Variants in CLSTN2 observed in about 807,000 individuals in gnomAD.
The protein encoded by CLSTN2 is calsyntenin 2, also known as calsyntenin-2.
Under a neutral mutation model 101.2 loss-of-function variants are expected in CLSTN2, and 48 were observed. The observed-to-expected ratio is 0.47, with a 90% CI of 0.38 to 0.60. The LOEUF (loss-of-function observed/expected upper bound fraction) is 0.60, where lower values mean the gene tolerates loss of function less well. CLSTN2 is among the 20% of genes least tolerant of loss of function. The pLI, the probability that CLSTN2 is intolerant of heterozygous loss-of-function variation, is 0.00. For synonymous variants in CLSTN2, 481 were observed against 463.6 expected (o/e 1.04, Z -0.48); for missense variants, 1,160 against 1,238.2 (o/e 0.94, Z 0.95).
At chr3:140,456,867 C>T (rs1034999643) in intron 6 of CLSTN2, among the ~76,000 whole-genome samples, 1 of 151,958 alleles carries the variant, frequency 6.6e-6, no homozygotes, top group South Asian at 2.1e-4. Flanking sequence ...TAACCCTGAC[C>T]AGCACTGGGT....
rs561707932 is a variant in CLSTN2 at position 139,955,702 on chromosome 3, T to C, written c.109+20219T>C. On this transcript the variant is annotated intron_variant, in intron 1 of 16. Transcript: ENST00000458420. ...GCCCTTCTCATCTCAGATGTGCCTC[T>C]CACTAGCTGATGGCTTGCATTTTCT... Among the ~76,000 whole-genome samples, 6 of 152,400 alleles carry C rather than the reference T, an allele frequency of 3.9e-5. No homozygotes were observed. In the South Asian group the frequency reaches 1.2e-3, roughly 32 times the overall value.
At chr3:140,376,700 A>G (rs1256264207) in intron 2 of CLSTN2, among the ~76,000 whole-genome samples, 2 of 152,184 alleles carry the variant, frequency 1.3e-5, no homozygotes, top group Non-Finnish European at 2.9e-5. Context: ...GTGCAATCAC[A>G]TTTGGCAAGA....
At chr3:140,382,388 A>G (rs902876003) in intron 2 of CLSTN2, among the ~76,000 whole-genome samples, 1 of 152,212 alleles carries the variant, frequency 6.6e-6, no homozygotes, top group African/African-American at 2.4e-5. Context: ...CTATTCCCCA[A>G]CAATGTGAGG....
intron 1 of CLSTN2, among the ~76,000 whole-genome samples, chr3:140,074,952 C>T (rs985512553): frequency 6.6e-6 from 1 of 152,166 alleles, no homozygotes; most frequent in Non-Finnish European, 1.5e-5. Context: ...TGGTATTTTT[C>T]ATGGACACAG....
chr3:140,023,921 C>G (rs1339103994), intron 1 of CLSTN2, among the ~76,000 whole-genome samples: 1 of 152,226 alleles, frequency 6.6e-6, no homozygotes, highest in African/African-American at 2.4e-5. Context: ...CTGCAGGCCT[C>G]ACTGCCTCCC....
chr3:140,163,352 C>A (rs2010081360), intron 1 of CLSTN2, among the ~76,000 whole-genome samples: 1 of 151,650 alleles, frequency 6.6e-6, no homozygotes, highest in Non-Finnish European at 1.5e-5. Context: ...CAGGCCTGAC[C>A]TACAGTTCTC....
intron 4 of CLSTN2, among the ~76,000 whole-genome samples, chr3:140,416,288 T>C (rs961381089): frequency 1.3e-5 from 2 of 152,140 alleles, no homozygotes; most frequent in South Asian, 2.1e-4. Context: ...CTGGAGAATG[T>C]ACAGCAGGGT....
At chr3:140,504,427 G>A (rs1278989855) in intron 8 of CLSTN2, among the ~76,000 whole-genome samples, 1 of 151,890 alleles carries the variant, frequency 6.6e-6, no homozygotes, top group Non-Finnish European at 1.5e-5. Context: ...AGTGAGTAAT[G>A]GTATCAAATG....
intron 2 of CLSTN2, among the ~76,000 whole-genome samples, chr3:140,183,583 CTG>C (rs1328372853): frequency 1.3e-5 from 2 of 152,192 alleles, no homozygotes; most frequent in Admixed American, 6.5e-5. Context: ...TATATACTAA[CTG>C]TGCAAATTAG....
chr3:140,173,226 C>T (rs938053118), intron 1 of CLSTN2, among the ~76,000 whole-genome samples: 3 of 152,212 alleles, frequency 2.0e-5, no homozygotes, highest in East Asian at 3.9e-4. Flanking sequence ...AACAAAAGGG[C>T]TACAGGGCCC....
At chr3:140,451,084 C>T (rs866068968) in intron 6 of CLSTN2, among the ~76,000 whole-genome samples, 3 of 152,144 alleles carry the variant, frequency 2.0e-5, no homozygotes, top group African/African-American at 4.8e-5. Context: ...TACTTTGCTC[C>T]CCATGCACCT....
At chr3:140,392,771 G>A (rs2088131031) in intron 2 of CLSTN2, among the ~76,000 whole-genome samples, 1 of 151,888 alleles carries the variant, frequency 6.6e-6, no homozygotes, top group African/African-American at 2.4e-5. Flanking sequence ...AAAAGTAGAT[G>A]GTGTCTTAGT....
In CLSTN2 at chr3:140,522,271, C is replaced by A. The variant is rs1935046664; in HGVS notation, c.1345-10053C>A. Among the ~76,000 whole-genome samples, 5 of 152,216 alleles carry A rather than the reference C, an allele frequency of 3.3e-5. No homozygotes were observed. The South Asian group carries it at 1.0e-3, about 31-fold the overall frequency. On this transcript the variant is annotated intron_variant, in intron 8 of 16. Transcript: ENST00000458420. ...TTCAGTTGAAGGTGCTGAATTCAGG[C>A]ATCACTTTCATTCCTCTCTGTGAGT...
chr3:140,132,581 C>A (rs748940780), intron 1 of CLSTN2, among the ~76,000 whole-genome samples: 1 of 151,984 alleles, frequency 6.6e-6, no homozygotes, highest in African/African-American at 2.4e-5. Context: ...CAGTTTTCTG[C>A]CTGAAAGTTG....
In CLSTN2 at chr3:140,561,931, T is replaced by G. The variant is rs1935923362; in HGVS notation, c.2042-207T>G. ...GCTACAGTATTCCTGCTGTTCCCAC[T>G]AATTCATGCTACTAATTCATCCCAC... On this transcript the variant is annotated intron_variant, in intron 12 of 16. Coordinates refer to ENST00000458420, the MANE Select transcript of CLSTN2 (RefSeq NM_022131.3). 2.6e-5 allele frequency among the ~76,000 whole-genome samples: 4 copies of G among 152,124 alleles called. No homozygotes were observed. The South Asian group carries it at 8.4e-4, about 32-fold the overall frequency.
At chr3:140,285,202 G>A (rs2086884435) in intron 2 of CLSTN2, among the ~76,000 whole-genome samples, 1 of 152,116 alleles carries the variant, frequency 6.6e-6, no homozygotes, top group South Asian at 2.1e-4. Flanking sequence ...AGCTACATGT[G>A]ACTAGTAGGT....
intron 1 of CLSTN2, among the ~76,000 whole-genome samples, chr3:139,940,062 G>A (rs1182368572): frequency 6.6e-6 from 1 of 152,100 alleles, no homozygotes; most frequent in Non-Finnish European, 1.5e-5. Context: ...TCTCTTTCCT[G>A]CATGCCTGTG....
At chr3:140,185,119 G>C (rs1275268113) in intron 2 of CLSTN2, among the ~76,000 whole-genome samples, 1 of 152,066 alleles carries the variant, frequency 6.6e-6, no homozygotes, top group Non-Finnish European at 1.5e-5. Flanking sequence ...ATCATCATTT[G>C]GTTTTATTTG....
intron 2 of CLSTN2, among the ~76,000 whole-genome samples, chr3:140,233,519 A>G (rs1366089306): frequency 6.6e-6 from 1 of 152,246 alleles, no homozygotes; most frequent in Non-Finnish European, 1.5e-5. Flanking sequence ...CTTACCTGCC[A>G]TATAGTAGTC....
Sources: allele counts gnomAD v4.1 joint callset (sites outside exome capture counted in the v4.1 genomes callset), GRCh38; gene constraint gnomAD v4.1.1; transcripts MANE v1.5; gene names NCBI Gene and HGNC (gene_info 2026-07-23, HGNC 2026-07-21).